DIP2A: variants seen among roughly 807,000 people sequenced by gnomAD.
The protein encoded by DIP2A is DIP2 acetate--CoA ligase A, also known as disco-interacting protein 2 homolog A.
Under a neutral mutation model 177.4 loss-of-function variants are expected in DIP2A, and 85 were observed. The ratio of observed to expected loss-of-function variants is 0.48; its 90% CI spans 0.40 to 0.57. The LOEUF is 0.57. Ranked by LOEUF, DIP2A falls within the 20% of genes least tolerant of loss-of-function variation. DIP2A has a pLI of 0.00. For missense variants in DIP2A, 1,791 were observed against 2,100.2 expected (o/e 0.85, Z 2.88); for synonymous variants, 886 against 881.8 (o/e 1.00, Z -0.08).
At chr21:46,555,577 T>C in intron 28 of DIP2A, 1 of 208,232 alleles carries the variant, frequency 4.8e-6, no homozygotes, top group South Asian at 6.9e-5. Flanking sequence ...CACGAGAACT[T>C]GATGAAGCAC....
At chr21:46,463,263 C>T (rs2054482531) in intron 1 of DIP2A, 1 of 152,200 alleles carries the variant, frequency 6.6e-6, no homozygotes. Flanking sequence ...AATTAATTCC[C>T]AAACCTTTGT....
intron 18 of DIP2A, among the ~76,000 whole-genome samples, chr21:46,542,793 C>G (rs2059871436): frequency 6.6e-6 from 1 of 152,246 alleles, no homozygotes; most frequent in East Asian, 1.9e-4. Context: ...GCAGTCTCCC[C>G]CCTTCCAATG....
the DIP2A span, among the ~76,000 whole-genome samples, chr21:46,576,615 T>C: frequency 1.3e-5 from 2 of 152,198 alleles, no homozygotes; most frequent in Non-Finnish European, 1.5e-5. Context: ...AATAGAATAA[T>C]TTATATTCCG....
chr21:46,506,524 A>G (rs1221516688), intron 6 of DIP2A, among the ~76,000 whole-genome samples: 1 of 152,082 alleles, frequency 6.6e-6, no homozygotes, highest in Non-Finnish European at 1.5e-5. Flanking sequence ...ACCCTTTCCA[A>G]CAGTTGGTAT....
At chr21:46,547,333 A>G in intron 21 of DIP2A, 1 of 685,616 alleles carries the variant, frequency 1.5e-6, no homozygotes, top group Non-Finnish European at 2.0e-6. Context: ...TGAGTAAAGC[A>G]AAGGAGAAAT....
chr21:46,561,598 A>G, intron 33 of DIP2A, 150 bp from the exon 34 acceptor site: 1 of 1,073,068 alleles, frequency 9.3e-7, no homozygotes, highest in Admixed American at 1.9e-5. Context: ...TGTCCCTGCC[A>G]TTCATGGCAG....
rs371550332 is a variant in DIP2A at position 46,495,244 on chromosome 21, T to TTCTCTCTC, written c.284-1716_284-1709dup. Among the ~76,000 whole-genome samples, 283 of 38,158 alleles carry TTCTCTCTC rather than the reference T, an allele frequency of 7.4e-3. 19 individuals are homozygous for TTCTCTCTC. Among genetic ancestry groups the TTCTCTCTC allele is most frequent in the Middle Eastern group, 0.013 (1 of 78 alleles). 25.0% of individuals were successfully genotyped at this position (38,158 alleles called of 152,430 possible). A position where few individuals can be genotyped will look rare whatever the true frequency, so the allele number is the denominator to read the frequency against. On this transcript the variant is annotated intron_variant, in intron 3 of 37. Transcript: ENST00000417564. Reference sequence around the variant, plus strand: ...CTTCTCTTCTCTTCTCTTCTCTTCTTTCTCTCTCTCTCTCTCTCTCTCTCT... The same window carrying TTCTCTCTC: ...CTTCTCTTCTCTTCTCTTCTCTTCTTTCTCTCTCTCTCTCTCTCTCTCTCTCTCTCTCT...
intron 5 of DIP2A, among the ~76,000 whole-genome samples, chr21:46,501,101 C>T (rs1378905945): frequency 1.3e-5 from 2 of 152,150 alleles, no homozygotes; most frequent in Non-Finnish European, 2.9e-5. Flanking sequence ...ACTCAACTTC[C>T]CTCTTATGAC....
chr21:46,528,375 C>A (rs907265433), intron 8 of DIP2A, among the ~76,000 whole-genome samples: 1 of 151,660 alleles, frequency 6.6e-6, no homozygotes, highest in Non-Finnish European at 1.5e-5. Context: ...AATCCATTTA[C>A]AATGCAATAT....
In DIP2A at chr21:46,498,855, C is replaced by T. The variant is rs764370455; in HGVS notation, c.655+22C>T. On this transcript the variant is annotated intron_variant, in intron 5 of 37. Coordinates refer to ENST00000417564, the MANE Select transcript of DIP2A (RefSeq NM_015151.4). The surrounding 1 kb of genome is among the most constrained non-coding windows in gnomAD (Gnocchi z 4.3). ...ATAGGTCAGTAATAAGCTGCTGCGG[C>T]CCCTGTGCCAGCAGAGCGGGGTCAG... is the stretch of plus-strand genomic sequence containing the variant. The T allele has an allele frequency of 3.1e-6, 5 of 1,596,166 alleles. No individual in the cohort carries two copies. Among genetic ancestry groups the T allele is most frequent in the Non-Finnish European group, 4.3e-6 (5 of 1,168,858 alleles).
chr21:46,464,632 G>A (rs2054631967), intron 1 of DIP2A, among the ~76,000 whole-genome samples: 1 of 152,078 alleles, frequency 6.6e-6, no homozygotes, highest in African/African-American at 2.4e-5. Flanking sequence ...AAGGTGAGAA[G>A]GCAAGAGAAT....
At chr21:46,554,962 G>A (rs2060411388) in intron 28 of DIP2A, 29 bp downstream of exon 28, 1 of 1,540,812 alleles carries the variant, frequency 6.5e-7, no homozygotes, top group Non-Finnish European at 8.8e-7. Flanking sequence ...CCCAGGACCA[G>A]TCCCTTTTCC....
chr21:46,560,765 G>T lies in DIP2A; in HGVS notation c.4013G>T (p.Arg1338Leu), dbSNP rs868364683. The T allele has an allele frequency of 1.2e-6, 2 of 1,607,702 alleles. No individual in the cohort carries two copies. The highest frequency in any genetic ancestry group is 2.2e-5 in the East Asian group (1 of 44,542). The stretch of plus-strand genomic sequence containing the variant: ...CCCACAACCGTCTACGTGGACATGC[G>T]GGCACTGCGCCATGACAGGTAATGC... ...PDPTTVYVDM[R>L]ALRHDRVRLV... Residue 1338 changes from arginine to leucine, a missense_variant, in exon 33 of 38, where the codon CGG becomes CTG. Arg to Leu is a moderately radical substitution (Grantham distance 102). Coordinates refer to ENST00000417564, the MANE Select transcript of DIP2A (RefSeq NM_015151.4).
chr21:46,582,950 T>G, the DIP2A span, among the ~76,000 whole-genome samples: 1 of 152,256 alleles, frequency 6.6e-6, no homozygotes, highest in South Asian at 2.1e-4. Flanking sequence ...AAAACCTGTG[T>G]AAAAACAAGC....
chr21:46,484,959 A>G (rs1287821635), intron 2 of DIP2A, 131 bp downstream of exon 2: 4 of 796,806 alleles, frequency 5.0e-6, no homozygotes, highest in Non-Finnish European at 7.4e-6. Context: ...TATGTTGATT[A>G]TTGATTGAGA....
chr21:46,497,176 C>G (rs1008367396), intron 4 of DIP2A, 69 bp downstream of exon 4: 9 of 1,538,190 alleles, frequency 5.9e-6, no homozygotes, highest in Middle Eastern at 1.7e-4. Context: ...ATCCTATTTA[C>G]TTCCCATTGA....
intron 1 of DIP2A, among the ~76,000 whole-genome samples, chr21:46,482,270 A>C (rs1352526735): frequency 6.6e-6 from 1 of 152,214 alleles, no homozygotes; most frequent in African/African-American, 2.4e-5. Context: ...TCATATGCCC[A>C]GTAGATGTTT....
Position 46,556,120 on chromosome 21 carries a change from A to G in DIP2A, c.3498+29A>G. 1 of 1,587,930 alleles carries G rather than the reference A, an allele frequency of 6.3e-7. No individual in the cohort carries two copies. The stretch of plus-strand genomic sequence containing the variant: ...GGTCCTCTGAAATCTTGTTTGCTTC[A>G]GCCCCTAGAAATCAGGAGGAGTGGA... On this transcript the variant is annotated intron_variant, in intron 29 of 37. Coordinates refer to ENST00000417564, the MANE Select transcript of DIP2A (RefSeq NM_015151.4). The surrounding 1 kb of genome is among the most constrained non-coding windows in gnomAD (Gnocchi z 4.5).
intron 11 of DIP2A, 21 bp downstream of exon 11, chr21:46,533,668 G>A: frequency 1.2e-6 from 2 of 1,613,936 alleles, no homozygotes; most frequent in Non-Finnish European, 1.7e-6. Context: ...CCAAGGGAAG[G>A]GGAGTCAGTG....
Sources: gnomAD v4.1 joint callset for allele counts (sites outside exome capture counted in the v4.1 genomes callset) on GRCh38, gnomAD v4.1.1 for gene constraint, Gnocchi (gnomAD v3.1) non-coding constraint, MANE v1.5 for transcripts, NCBI Gene and HGNC (gene_info 2026-07-23, HGNC 2026-07-21) for gene names.